The following NCEH1 variants were observed in gnomAD, a reference collection of about 807,000 sequenced individuals.
The protein encoded by NCEH1 is neutral cholesterol ester hydrolase 1.
In NCEH1, 9 loss-of-function variants were observed where a neutral mutation model predicts 25.4. The observed-to-expected ratio is 0.35, with a 90% confidence interval of 0.21 to 0.62. NCEH1 has a LOEUF of 0.62. Ranked by LOEUF, NCEH1 falls within the 20% of genes least tolerant of loss-of-function variation. The probability of loss-of-function intolerance (pLI) is 0.72; values close to 1 mark genes in which losing one functional copy is unlikely to be tolerated. For missense variants in NCEH1, 412 were observed against 501.1 expected (o/e 0.82, Z 1.70); for synonymous variants, 200 against 199.8 (o/e 1.00, Z -0.01).
chr3:172,656,361 G>A (rs1225789221), intron 1 of NCEH1, among the ~76,000 whole-genome samples: 2 of 152,176 alleles, frequency 1.3e-5, no homozygotes, highest in Non-Finnish European at 2.9e-5. Flanking sequence ...AGATGGAAGG[G>A]AGAATTCATA....
chr3:172,669,491 T>A (rs992582946), intron 1 of NCEH1, among the ~76,000 whole-genome samples: 3 of 152,202 alleles, frequency 2.0e-5, no homozygotes, highest in Non-Finnish European at 4.4e-5. Context: ...TTCCTAAAGG[T>A]CATGCAGAAC....
chr3:172,675,319 A>AATTAATTAATTAATT lies in NCEH1; in HGVS notation c.139-27206_139-27205insAATTAATTAATTAAT, dbSNP rs1553835588. Reference sequence around the variant, plus strand: ...TCCTGTCTCAAATAAATAAATAAATAAATAAATAAATAAATAAATAAATGA... The same window carrying AATTAATTAATTAATT: ...TCCTGTCTCAAATAAATAAATAAATAATTAATTAATTAATTAATAAATAAATAAATAAATAAATGA... On this transcript the variant is annotated intron_variant, in intron 1 of 4. Coordinates refer to ENST00000475381, the MANE Select transcript of NCEH1 (RefSeq NM_020792.6). Among the ~76,000 whole-genome samples, 514 of 141,890 alleles carry AATTAATTAATTAATT rather than the reference A, an allele frequency of 3.6e-3. 5 individuals are homozygous for AATTAATTAATTAATT. Among genetic ancestry groups the AATTAATTAATTAATT allele is most frequent in the African/African-American group, 0.014 (486 of 34,372 alleles). 93.1% of individuals were successfully genotyped at this position (141,890 alleles called of 152,430 possible). A position where few individuals can be genotyped will look rare whatever the true frequency, so the allele number is the denominator to read the frequency against.
chr3:172,685,926 A>G (rs141958179), intron 1 of NCEH1, among the ~76,000 whole-genome samples: 30 of 152,320 alleles, frequency 2.0e-4, no homozygotes, highest in African/African-American at 7.2e-4. Flanking sequence ...GCCTTTCCCA[A>G]ACATTCTACA....
In NCEH1 at chr3:172,683,308, CAGG is replaced by C. The variant is rs1012896832; in HGVS notation, c.138+27536_138+27538del. 1.4e-4 allele frequency among the ~76,000 whole-genome samples: 15 copies of C among 107,682 alleles called. 1 individual carries two copies. Among genetic ancestry groups the C allele is most frequent in the Admixed American group, 4.6e-4 (5 of 10,778 alleles). The allele number at this position is 107,682 out of a possible 152,430, so 70.6% of individuals were successfully genotyped here. ...GTCCCAGCTACTTGGGAGGCTGAGG[CAGG>C]AGAATGGCGTGAACCCGGGAGGCGG... On this transcript the variant is annotated intron_variant, in intron 1 of 4. Coordinates refer to ENST00000475381, the MANE Select transcript of NCEH1 (RefSeq NM_020792.6).
At chr3:172,650,930 T>C (rs1207073506) in intron 1 of NCEH1, among the ~76,000 whole-genome samples, 1 of 151,708 alleles carries the variant, frequency 6.6e-6, no homozygotes, top group Non-Finnish European at 1.5e-5. Context: ...CAAGAAAAAC[T>C]GTGCTAATGT....
chr3:172,708,529 G>A (rs901955458), intron 1 of NCEH1, among the ~76,000 whole-genome samples: 19 of 152,024 alleles, frequency 1.2e-4, no homozygotes, highest in Non-Finnish European at 2.9e-5. Flanking sequence ...CTAATTTTTT[G>A]TATTTTTAGT....
chr3:172,700,924 TTATAAA>T (rs1232206559), intron 1 of NCEH1, among the ~76,000 whole-genome samples: 2 of 152,092 alleles, frequency 1.3e-5, no homozygotes, highest in Non-Finnish European at 2.9e-5. Context: ...CTAGAGTACT[TTATAAA>T]TATGAGGTAT....
chr3:172,652,946 C>T (rs1162193085), intron 1 of NCEH1, among the ~76,000 whole-genome samples: 7 of 151,938 alleles, frequency 4.6e-5, no homozygotes, highest in African/African-American at 1.7e-4. Context: ...CTGAAGTGAT[C>T]CACCCGTCTT....
chr3:172,692,499 A>C (rs1024063049), intron 1 of NCEH1, among the ~76,000 whole-genome samples: 1 of 150,938 alleles, frequency 6.6e-6, no homozygotes, highest in African/African-American at 2.5e-5. Flanking sequence ...CTGGGACCAC[A>C]GGTGCATGTC....
chr3:172,654,680 C>A (rs560549549), intron 1 of NCEH1, among the ~76,000 whole-genome samples: 14 of 152,158 alleles, frequency 9.2e-5, no homozygotes, highest in African/African-American at 2.7e-4. Flanking sequence ...TCAATGACTT[C>A]GCATCTGGTC....
Position 172,632,798 on chromosome 3 carries a change from A to C in NCEH1, c.*677T>G, listed in dbSNP as rs1165728921. On this transcript the variant is annotated 3_prime_UTR_variant, in exon 5 of 5. Coordinates refer to ENST00000475381, the MANE Select transcript of NCEH1 (RefSeq NM_020792.6). ...CTAATGATATATAGATATCCAGTGC[A>C]TGCGACTTCATATTTTCTAATAGTG... The C allele has an allele frequency of 6.5e-6, 1 of 152,710 alleles. No homozygotes were observed. The highest frequency in any genetic ancestry group is 1.5e-5 in the Non-Finnish European group (1 of 68,048). 9.5% of individuals were successfully genotyped at this position (152,710 alleles called of 1,614,324 possible).
At chr3:172,684,636 T>C (rs780750642) in intron 1 of NCEH1, among the ~76,000 whole-genome samples, 1 of 152,136 alleles carries the variant, frequency 6.6e-6, no homozygotes, top group African/African-American at 2.4e-5. Context: ...TGCAATTCTG[T>C]AGAGAAATCC....
chr3:172,704,217 A>G (rs1390238409), intron 1 of NCEH1, among the ~76,000 whole-genome samples: 1 of 152,222 alleles, frequency 6.6e-6, no homozygotes, highest in Non-Finnish European at 1.5e-5. Flanking sequence ...TTAAATCTCA[A>G]CAAGTTTGGG....
intron 3 of NCEH1, among the ~76,000 whole-genome samples, chr3:172,643,229 C>T (rs532803210): frequency 1.1e-4 from 16 of 152,250 alleles, no homozygotes; most frequent in Non-Finnish European, 1.6e-4. Flanking sequence ...CATGAGCCAC[C>T]GCGCCTGGCC....
chr3:172,701,755 C>T (rs764932944), intron 1 of NCEH1, among the ~76,000 whole-genome samples: 3 of 151,906 alleles, frequency 2.0e-5, no homozygotes, highest in Non-Finnish European at 2.9e-5. Flanking sequence ...TAAGCGACCA[C>T]GCCTGGCCTA....
At chr3:172,660,768 T>C (rs1416236090) in intron 1 of NCEH1, among the ~76,000 whole-genome samples, 2 of 152,246 alleles carry the variant, frequency 1.3e-5, no homozygotes, top group Admixed American at 6.5e-5. Context: ...GCTGCATAAA[T>C]GTCTTACTGT....
At chr3:172,660,739 T>C (rs2108505716) in intron 1 of NCEH1, among the ~76,000 whole-genome samples, 1 of 152,374 alleles carries the variant, frequency 6.6e-6, no homozygotes, top group East Asian at 1.9e-4. Context: ...ATGATGAGCA[T>C]TTTTTCCTGT....
intron 1 of NCEH1, among the ~76,000 whole-genome samples, chr3:172,707,167 T>A (rs1024603837): frequency 2.7e-5 from 4 of 149,446 alleles, no homozygotes; most frequent in African/African-American, 9.8e-5. Context: ...GATTACCATT[T>A]AAAAAAAAAA....
intron 1 of NCEH1, among the ~76,000 whole-genome samples, chr3:172,680,452 A>G (rs1255304687): frequency 6.6e-6 from 1 of 152,036 alleles, no homozygotes; most frequent in South Asian, 2.1e-4. Context: ...TCTCCATGTC[A>G]AGTGGAAGGT....
Sources: allele counts gnomAD v4.1 joint callset (sites outside exome capture counted in the v4.1 genomes callset), GRCh38; gene constraint gnomAD v4.1.1; transcripts MANE v1.5; gene names NCBI Gene and HGNC (gene_info 2026-07-23, HGNC 2026-07-21).